HEXD: variants seen among roughly 807,000 people sequenced by gnomAD.
The protein encoded by HEXD is N-acetyl-beta-galactosaminidase.
A neutral mutation model predicts 54.2 loss-of-function variants in HEXD; 47 were observed. The ratio of observed to expected loss-of-function variants is 0.87; its 90% CI spans 0.69 to 1.11. The LOEUF (loss-of-function observed/expected upper bound fraction) is 1.11, where lower values mean the gene tolerates loss of function less well. Ranked by LOEUF, HEXD falls within the 50% of genes least tolerant of loss-of-function variation. HEXD has a pLI of 0.00. For synonymous variants in HEXD, 293 were observed against 287.6 expected (o/e 1.02, Z -0.19); for missense variants, 576 against 649.2 (o/e 0.89, Z 1.23).
chr17:82,419,306 G>C (rs893446985), intron 1 of HEXD, among the ~76,000 whole-genome samples: 2 of 152,058 alleles, frequency 1.3e-5, no homozygotes, highest in Non-Finnish European at 2.9e-5. Context: ...TTATAATCAA[G>C]CTGATCTGAG....
Position 82,442,285 on chromosome 17 carries a change from C to G in HEXD, c.1362C>G (p.Ser454Arg), listed in dbSNP as rs1220869670. ...GGCTGGAGGAAAACGTGCACCCCAG[C>G]CTGCAGCGGCTGCAAGCTCTGCTGC... ...EEWLEENVHP[S>R]LQRLQALLQD... is the part of the protein sequence containing the mutation. Residue 454 changes from serine to arginine, a missense_variant, in exon 13 of 13, where the codon AGC becomes AGG. Physicochemically the swap from Ser to Arg is moderately radical, Grantham distance 110 (BLOSUM62 -1). Coordinates refer to ENST00000327949, the MANE Select transcript of HEXD (RefSeq NM_001330542.2). This position sits in a 1 kb window ranked among gnomAD's most constrained non-coding sequence, Gnocchi z 6.8. 1 of 1,607,944 alleles carries G rather than the reference C, an allele frequency of 6.2e-7. No homozygotes were observed. The highest frequency in any genetic ancestry group is 8.5e-7 in the Non-Finnish European group (1 of 1,179,928).
intron 6 of HEXD, among the ~76,000 whole-genome samples, chr17:82,436,161 C>T (rs181776280): frequency 5.6e-4 from 85 of 152,372 alleles, no homozygotes; most frequent in African/African-American, 1.9e-3. Context: ...GACTGGGGGC[C>T]GAGGTTCCCG....
rs2143330849 is a variant in HEXD at position 82,418,454 on chromosome 17, G to A, written c.-338G>A. 2 of 1,475,732 alleles carry A rather than the reference G, an allele frequency of 1.4e-6. No individual in the cohort carries two copies. The highest frequency in any genetic ancestry group is 1.8e-6 in the Non-Finnish European group (2 of 1,119,248). The allele number at this position is 1,475,732 out of a possible 1,614,324, so 91.4% of individuals were successfully genotyped here. On this transcript the variant is annotated 5_prime_UTR_variant, in exon 1 of 13. Transcript: ENST00000327949. ...CTCGGCCGCTCCGTTGCCCTCGGGC[G>A]CCTTGGTTGCGGCCCTCCGCTGAGG...
chr17:82,440,482 C>A, intron 9 of HEXD: 1 of 446,882 alleles, frequency 2.2e-6, no homozygotes, highest in Non-Finnish European at 3.6e-6. Context: ...GTGTCCCTTG[C>A]CCACGGCCCC....
chr17:82,437,069 G>A (rs999730090), intron 7 of HEXD, 99 bp from the exon 8 acceptor site: 3 of 1,065,276 alleles, frequency 2.8e-6, no homozygotes, highest in Non-Finnish European at 2.8e-6. Context: ...TGTCTCAGGC[G>A]GCTCCCATGT....
intron 3 of HEXD, 44 bp downstream of exon 3, chr17:82,424,547 G>A (rs1316298199): frequency 7.1e-7 from 1 of 1,404,742 alleles, no homozygotes; most frequent in Non-Finnish European, 1.0e-6. Context: ...CGTGAAAGCG[G>A]GGAAGGGGGG....
intron 4 of HEXD, among the ~76,000 whole-genome samples, chr17:82,429,264 A>T (rs978474647): frequency 6.6e-5 from 10 of 151,928 alleles, no homozygotes; most frequent in Admixed American, 2.0e-4. Context: ...CGTCTCAAAA[A>T]ATATATATAT....
intron 5 of HEXD, 96 bp downstream of exon 5, chr17:82,433,918 A>T (rs2053683590): frequency 8.6e-7 from 1 of 1,163,728 alleles, no homozygotes; most frequent in Non-Finnish European, 1.2e-6. Flanking sequence ...AGGCCTAGAG[A>T]CAGGCTTGTT....
chr17:82,424,759 G>C (rs1266011567), intron 3 of HEXD, among the ~76,000 whole-genome samples: 1 of 152,268 alleles, frequency 6.6e-6, no homozygotes, highest in African/African-American at 2.4e-5. Flanking sequence ...CCCCTACAGG[G>C]AAGAGCTGCA....
intron 4 of HEXD, 132 bp from the exon 5 acceptor site, chr17:82,433,526 C>A: frequency 1.2e-6 from 1 of 837,790 alleles, no homozygotes; most frequent in Non-Finnish European, 1.8e-6. Flanking sequence ...GCTGGGATTA[C>A]AGGACTGAGA....
chr17:82,432,449 GC>G (rs944138981), intron 4 of HEXD, among the ~76,000 whole-genome samples: 2 of 152,162 alleles, frequency 1.3e-5, no homozygotes, highest in African/African-American at 4.8e-5. Context: ...AGTTAAGTCT[GC>G]CCCTTTGGCA....
Position 82,418,663 on chromosome 17 carries a change from A to G in HEXD, c.-129A>G, listed in dbSNP as rs1234030171. ...GGCGGCCGAGCGGGGCGGGGCTCAG[A>G]GCGGAGGCGGCGGCCGCGAGGGCGG... is the stretch of plus-strand genomic sequence containing the variant. On this transcript the variant is annotated 5_prime_UTR_variant, in exon 1 of 13. Coordinates refer to ENST00000327949, the MANE Select transcript of HEXD (RefSeq NM_001330542.2). 2.0e-5 allele frequency: 4 copies of G among 197,278 alleles called. No individual in the cohort carries two copies. Among genetic ancestry groups the G allele is most frequent in the Admixed American group, 6.3e-5 (1 of 15,934 alleles). The allele number at this position is 197,278 out of a possible 1,614,324, so 12.2% of individuals were successfully genotyped here.
At chr17:82,431,430 A>AT (rs879289678) in intron 4 of HEXD, among the ~76,000 whole-genome samples, 2,425 of 134,534 alleles carry the variant, frequency 0.018, 36 homozygotes, top group East Asian at 0.052. Flanking sequence ...CTAAGTGCTA[A>AT]TTTTTTTTTT....
Position 82,441,001 on chromosome 17 carries a change from A to G in HEXD, c.987A>G (p.Gly329=). The change falls in exon 10 of 13, where the codon GGA becomes GGG. Residue 329 remains glycine (G), a synonymous_variant. Transcript: ENST00000327949. ...CCCGCTCATTTGTGATTTCAGGAGGATTTGATGAAGATGTTAAAGCGAAAG... is the reference window on the plus strand; with the variant it reads ...CCCGCTCATTTGTGATTTCAGGAGGGTTTGATGAAGATGTTAAAGCGAAAG... The part of the protein sequence containing the change: ...AACLQLLLRG[G]FDEDVKAKVE... 1 of 1,613,130 alleles carries G rather than the reference A, an allele frequency of 6.2e-7. No homozygotes were observed. The highest frequency in any genetic ancestry group is 8.5e-7 in the Non-Finnish European group (1 of 1,179,906).
chr17:82,430,016 C>T (rs1009974807), intron 4 of HEXD, among the ~76,000 whole-genome samples: 5 of 152,288 alleles, frequency 3.3e-5, no homozygotes, highest in South Asian at 2.1e-4. Flanking sequence ...CACCACCACC[C>T]GCCACGCCCT....
chr17:82,433,128 A>ATATATATTTTTTTTT, intron 4 of HEXD, among the ~76,000 whole-genome samples: 1 of 13,074 alleles, frequency 7.6e-5, no homozygotes, highest in East Asian at 5.2e-3. Flanking sequence ...ATATATATAT[A>ATATATATTTTTTTTT]TTTTTTTTTT....
chr17:82,442,044 C>G lies in HEXD; in HGVS notation c.1254-133C>G, dbSNP rs2053998038. 1 of 1,330,924 alleles carries G rather than the reference C, an allele frequency of 7.5e-7. No homozygotes were observed. The highest frequency in any genetic ancestry group is 1.4e-5 in the African/African-American group (1 of 69,380). 82.4% of individuals were successfully genotyped at this position (1,330,924 alleles called of 1,614,324 possible). A position where few individuals can be genotyped will look rare whatever the true frequency, so the allele number is the denominator to read the frequency against. ...GTGCAGCTGTCACCGACTTGTTCCT[C>G]CCGACATGCCGATGAGGTAGGGTCA... On this transcript the variant is annotated intron_variant, in intron 12 of 12. Coordinates refer to ENST00000327949, the MANE Select transcript of HEXD (RefSeq NM_001330542.2). The surrounding 1 kb of genome is among the most constrained non-coding windows in gnomAD (Gnocchi z 6.8).
intron 8 of HEXD, 139 bp from the exon 9 acceptor site, chr17:82,439,492 G>T: frequency 6.9e-7 from 1 of 1,445,058 alleles, no homozygotes; most frequent in Non-Finnish European, 9.0e-7. Context: ...GGGCCCCATG[G>T]GTTGAGGGGG....
rs2143576956 is a variant in HEXD, at chr17:82,435,965, A to G, written c.631+93A>G. 6.8e-6 allele frequency: 9 copies of G among 1,314,150 alleles called. No homozygotes were observed. The South Asian group carries it at 1.2e-4, about 18-fold the overall frequency. The allele number at this position is 1,314,150 out of a possible 1,614,324, so 81.4% of individuals were successfully genotyped here. A position where few individuals can be genotyped will look rare whatever the true frequency, so the allele number is the denominator to read the frequency against. On this transcript the variant is annotated intron_variant, in intron 6 of 12. Transcript: ENST00000327949. ...GAAGGTGCTGTAGGAAGTGGGCCCC[A>G]GGGTGAGCCCCAGCCCCGCACAGAC...
Sources: allele counts gnomAD v4.1 joint callset (sites outside exome capture counted in the v4.1 genomes callset), GRCh38; gene constraint gnomAD v4.1.1; non-coding constraint Gnocchi (gnomAD v3.1); transcripts MANE v1.5; gene names NCBI Gene and HGNC (gene_info 2026-07-23, HGNC 2026-07-21).